The following PTPRR variants were observed in gnomAD, a reference collection of about 807,000 sequenced individuals.
PTPRR encodes the protein protein tyrosine phosphatase receptor type R.
PTPRR carries 38 observed loss-of-function variants against 77.2 expected under a neutral mutation model. The ratio of observed to expected loss-of-function variants is 0.49; its 90% CI spans 0.38 to 0.65. The LOEUF (loss-of-function observed/expected upper bound fraction) is 0.65. Ranked by LOEUF, PTPRR falls within the 30% of genes least tolerant of loss-of-function variation. PTPRR has a pLI of 0.00. For synonymous variants in PTPRR, 299 were observed against 283.1 expected (o/e 1.06, Z -0.57); for missense variants, 744 against 799.2 (o/e 0.93, Z 0.83).
chr12:70,701,244 G>A lies in PTPRR; in HGVS notation c.1087C>T (p.Arg363Trp), dbSNP rs1431973794. Residue 363 changes from arginine (R) to tryptophan (W), a missense_variant, in exon 7 of 14, where the codon CGG (arginine) becomes TGG (tryptophan). This residue lies in a region of PTPRR where 570 missense variants were observed against 573.2 expected (regional missense o/e 0.99). Coordinates refer to ENST00000283228, the MANE Select transcript of PTPRR (RefSeq NM_002849.4). ...AGATACTCCATTGCTACCTTCTCCCGTGGTGTTGGTATAGACACAAAGGGT... is the reference window on the plus strand; with the variant it reads ...AGATACTCCATTGCTACCTTCTCCCATGGTGTTGGTATAGACACAAAGGGT... ...IEPFVSIPTP[R>W]EKVAMEYLQS... is the part of the protein sequence containing the mutation. The A allele has an allele frequency of 1.9e-6, 3 of 1,613,784 alleles. No individual in the cohort carries two copies. Among genetic ancestry groups the A allele is most frequent in the Non-Finnish European group, 1.7e-6 (2 of 1,179,920 alleles).
intron 1 of PTPRR, among the ~76,000 whole-genome samples, chr12:70,913,551 A>G (rs530935069): frequency 1.6e-4 from 24 of 152,250 alleles, no homozygotes; most frequent in African/African-American, 5.3e-4. Context: ...GTAAAAAAAA[A>G]ATCTCATTCT....
intron 2 of PTPRR, among the ~76,000 whole-genome samples, chr12:70,827,091 C>A (rs1892122481): frequency 6.6e-6 from 1 of 152,238 alleles, no homozygotes; most frequent in Non-Finnish European, 1.5e-5. Flanking sequence ...TAGCACTATC[C>A]CCTCCCCAGA....
At chr12:70,823,108 GACACACACACACACAC>G (rs58549756) in intron 2 of PTPRR, among the ~76,000 whole-genome samples, 195 of 139,662 alleles carry the variant, frequency 1.4e-3, no homozygotes, top group African/African-American at 3.5e-3. Context: ...CTCTCTCTCT[GACACACACACACACAC>G]ACACACACAC....
intron 8 of PTPRR, among the ~76,000 whole-genome samples, chr12:70,687,769 T>C (rs934078169): frequency 2.0e-5 from 3 of 152,194 alleles, no homozygotes; most frequent in African/African-American, 7.2e-5. Flanking sequence ...ATTGTGGTCC[T>C]ATGCTCATCA....
chr12:70,678,827 G>A (rs1181304988), intron 10 of PTPRR, among the ~76,000 whole-genome samples: 1 of 151,984 alleles, frequency 6.6e-6, no homozygotes, highest in Non-Finnish European at 1.5e-5. Flanking sequence ...GATTACAGGT[G>A]TGTACCACCA....
chr12:70,778,994 C>T (rs1592752334), intron 2 of PTPRR, among the ~76,000 whole-genome samples: 1 of 151,950 alleles, frequency 6.6e-6, no homozygotes, highest in Non-Finnish European at 1.5e-5. Flanking sequence ...TACAGGCATG[C>T]ACCACCACAC....
chr12:70,886,264 T>C (rs975068709), intron 2 of PTPRR, among the ~76,000 whole-genome samples: 1 of 152,226 alleles, frequency 6.6e-6, no homozygotes, highest in African/African-American at 2.4e-5. Context: ...GATACAGTAA[T>C]AGCTGGGGAA....
intron 2 of PTPRR, among the ~76,000 whole-genome samples, chr12:70,815,784 A>T (rs893423027): frequency 6.6e-6 from 1 of 152,186 alleles, no homozygotes; most frequent in Non-Finnish European, 1.5e-5. Context: ...TTTAACACAC[A>T]TTTGAGCTCT....
intron 2 of PTPRR, among the ~76,000 whole-genome samples, chr12:70,799,470 A>G (rs1471435274): frequency 2.0e-5 from 3 of 152,198 alleles, no homozygotes; most frequent in African/African-American, 4.8e-5. Flanking sequence ...AAAGAAATTA[A>G]GAGCCATGAG....
At chr12:70,789,065 T>G in intron 2 of PTPRR, 1 of 463,252 alleles carries the variant, frequency 2.2e-6, no homozygotes, top group Non-Finnish European at 3.7e-6. Flanking sequence ...GTTTCAACAG[T>G]TTACTAGAAT....
intron 8 of PTPRR, among the ~76,000 whole-genome samples, chr12:70,690,782 A>G (rs1433112102): frequency 1.3e-5 from 2 of 152,202 alleles, no homozygotes; most frequent in African/African-American, 2.4e-5. Flanking sequence ...ACTTTCCATC[A>G]AGAGTTGAAA....
At chr12:70,776,850 T>C (rs1592751187) in intron 2 of PTPRR, among the ~76,000 whole-genome samples, 1 of 152,180 alleles carries the variant, frequency 6.6e-6, no homozygotes, top group Non-Finnish European at 1.5e-5. Flanking sequence ...TGTTGGACTT[T>C]AGGATTTTTT....
chr12:70,822,384 G>A (rs557698192), intron 2 of PTPRR, among the ~76,000 whole-genome samples: 1 of 152,262 alleles, frequency 6.6e-6, no homozygotes, highest in South Asian at 2.1e-4. Context: ...TGTGCTGCCA[G>A]AGGAAGACAG....
intron 2 of PTPRR, among the ~76,000 whole-genome samples, chr12:70,823,074 CTCT>C (rs756443103): frequency 4.0e-5 from 6 of 151,020 alleles, no homozygotes; most frequent in Non-Finnish European, 7.4e-5. Context: ...TTCTCTCTCT[CTCT>C]TTTCTCTTCT....
rs531424525 is a variant in PTPRR, at chr12:70,845,337, A to C, written c.357+47342T>G. Among the ~76,000 whole-genome samples, 46 of 152,256 alleles carry C rather than the reference A, an allele frequency of 3.0e-4. 1 individual carries two copies. The highest frequency in any genetic ancestry group is 1.2e-3 in the Admixed American group (18 of 15,286). On this transcript the variant is annotated intron_variant, in intron 2 of 13. Coordinates refer to ENST00000283228, the MANE Select transcript of PTPRR (RefSeq NM_002849.4). The stretch of plus-strand genomic sequence containing the variant: ...TTGATTAGAAAAACAACCACCCCCC[A>C]AAAAAAGGACAGAAATAATACTGAA...
intron 2 of PTPRR, among the ~76,000 whole-genome samples, chr12:70,774,546 T>C (rs1201829399): frequency 6.6e-6 from 1 of 152,200 alleles, no homozygotes; most frequent in East Asian, 1.9e-4. Context: ...GTTGAAGTAA[T>C]TAGTTGAAAT....
At chr12:70,764,965 T>G (rs1453617088) in intron 2 of PTPRR, among the ~76,000 whole-genome samples, 187 bp from the exon 3 acceptor site, 2 of 152,156 alleles carry the variant, frequency 1.3e-5, no homozygotes, top group African/African-American at 4.8e-5. Flanking sequence ...GAAATAAAAT[T>G]ATAGGAACAT....
At chr12:70,704,154 G>T (rs1592688556) in intron 6 of PTPRR, among the ~76,000 whole-genome samples, 1 of 152,004 alleles carries the variant, frequency 6.6e-6, no homozygotes, top group African/African-American at 2.4e-5. Context: ...AGGGATGTTG[G>T]CTGACATCTG....
intron 8 of PTPRR, among the ~76,000 whole-genome samples, chr12:70,688,681 T>C (rs1392083041): frequency 2.0e-5 from 3 of 152,300 alleles, no homozygotes; most frequent in East Asian, 3.9e-4. Flanking sequence ...GCAATTCCAC[T>C]TCTGAGTATA....
Sources: allele counts gnomAD v4.1 joint callset (sites outside exome capture counted in the v4.1 genomes callset), GRCh38; gene constraint gnomAD v4.1.1; regional missense constraint gnomAD v4.1.1; transcripts MANE v1.5; gene names NCBI Gene and HGNC (gene_info 2026-07-23, HGNC 2026-07-21).